The following ANKRD24 variants were observed in gnomAD, a reference collection of about 807,000 sequenced individuals.
ANKRD24 encodes ankyrin repeat domain 24, also known as ankyrin repeat domain-containing protein 24.
In ANKRD24, 109 loss-of-function variants were observed where a neutral mutation model predicts 127.8. The observed-to-expected ratio is 0.85, with a 90% confidence interval of 0.73 to 1.00. ANKRD24 has a LOEUF of 1.00. Ranked by LOEUF, ANKRD24 falls within the 50% of genes least tolerant of loss-of-function variation. The probability of loss-of-function intolerance (pLI) is 0.00; values close to 1 mark genes in which losing one functional copy is unlikely to be tolerated. For missense variants in ANKRD24, 1,648 were observed against 1,570.2 expected (o/e 1.05, Z -0.84); for synonymous variants, 743 against 671.1 (o/e 1.11, Z -1.66).
In ANKRD24 at chr19:4,218,081, T is replaced by G. The variant is rs1204710453; in HGVS notation, c.2921T>G (p.Leu974Arg). Residue 974 changes from leucine to arginine, a missense_variant, in exon 18 of 22, where the codon CTG (leucine) becomes CGG (arginine). By Grantham distance (102) the Leu-to-Arg change is moderately radical (BLOSUM62 -2). Coordinates refer to ENST00000318934, the MANE Select transcript of ANKRD24 (RefSeq NM_001393985.1). ...LSEHERIVGT[L>R]QANVAQLEGQ... is the part of the protein sequence containing the mutation. ...GAGCACGAACGCATCGTGGGCACCC[T>G]GCAGGCCAACGTGGCCCAGCTGGAG... is the stretch of plus-strand genomic sequence containing the variant. The G allele has an allele frequency of 6.4e-7, 1 of 1,551,654 alleles. No homozygotes were observed. Among genetic ancestry groups the G allele is most frequent in the South Asian group, 1.2e-5 (1 of 83,428 alleles).
intron 2 of ANKRD24, among the ~76,000 whole-genome samples, chr19:4,188,667 ACTGCGCC>A (rs1288192865): frequency 1.4e-4 from 21 of 152,128 alleles, no homozygotes; most frequent in Non-Finnish European, 4.4e-5. Flanking sequence ...GGCGTGAGCC[ACTGCGCC>A]CAGCCAAGCC....
intron 6 of ANKRD24, 34 bp downstream of exon 6, chr19:4,202,124 GC>G: frequency 6.3e-7 from 1 of 1,593,704 alleles, no homozygotes; most frequent in Non-Finnish European, 8.6e-7. Flanking sequence ...TACTCCCTTG[GC>G]CCCTACTACT....
chr19:4,193,845 G>GAGGGAGGGAGGGAGGGAAGGAAGGAAGGA lies in ANKRD24; in HGVS notation c.37-5835_37-5834insGAGGGAGGGAGGGAAGGAAGGAAGGAAGG, dbSNP rs573649233. Among the ~76,000 whole-genome samples, 381 of 40,542 alleles carry GAGGGAGGGAGGGAGGGAAGGAAGGAAGGA rather than the reference G, an allele frequency of 9.4e-3. 54 individuals are homozygous for GAGGGAGGGAGGGAGGGAAGGAAGGAAGGA. The highest frequency in any genetic ancestry group is 0.015 in the African/African-American group (116 of 7,772). The allele number at this position is 40,542 out of a possible 152,430, so 26.6% of individuals were successfully genotyped here. Reference sequence around the variant, plus strand: ...GAGCGAGACTCCGTCGGGAGGGAGGGAGGAAGGAAGGAAGGAAGGAAGGAA... The same window carrying GAGGGAGGGAGGGAGGGAAGGAAGGAAGGA: ...GAGCGAGACTCCGTCGGGAGGGAGGGAGGGAGGGAGGGAGGGAAGGAAGGAAGGAAGGAAGGAAGGAAGGAAGGAAGGAA... On this transcript the variant is annotated intron_variant, in intron 2 of 21. Transcript: ENST00000318934.
intron 7 of ANKRD24, among the ~76,000 whole-genome samples, chr19:4,206,266 A>T (rs1357327753): frequency 1.3e-5 from 2 of 151,712 alleles, no homozygotes; most frequent in African/African-American, 2.4e-5. Flanking sequence ...AGCCAGAGGC[A>T]GGAGGATTGC....
chr19:4,207,363 C>T (rs1969450474), intron 8 of ANKRD24, 51 bp downstream of exon 8: 1 of 1,594,864 alleles, frequency 6.3e-7, no homozygotes, highest in South Asian at 1.1e-5. Flanking sequence ...AGGTATGCTG[C>T]CACCAAGTGG....
At chr19:4,207,743 G>A (rs766449144) in intron 9 of ANKRD24, 38 bp from the exon 10 acceptor site, 6 of 1,569,182 alleles carry the variant, frequency 3.8e-6, no homozygotes, top group African/African-American at 1.4e-5. Context: ...GGGCTTGGGG[G>A]ATGTTCTCAT....
At chr19:4,212,430 G>A in intron 13 of ANKRD24, 45 bp from the exon 14 acceptor site, 1 of 1,560,542 alleles carries the variant, frequency 6.4e-7, no homozygotes, top group East Asian at 2.4e-5. Context: ...GGGCAGGGAG[G>A]CCTCTTGCCC....
intron 1 of ANKRD24, 183 bp from the exon 2 acceptor site, chr19:4,186,207 A>G: frequency 7.4e-7 from 1 of 1,349,778 alleles, no homozygotes. Flanking sequence ...TAAAACAGAG[A>G]GGGCAAGTAA....
rs45609439 is a variant in ANKRD24 at position 4,200,269 on chromosome 19, C to T, written c.343+98C>T. On this transcript the variant is annotated intron_variant, in intron 5 of 21. Transcript: ENST00000318934. The stretch of plus-strand genomic sequence containing the variant: ...CCTGCTCCCAGGTCTCAATGTTCCC[C>T]GCTGAAAAAAGGGGAGGCTCCCTCT... The T allele has an allele frequency of 0.013, 17,242 of 1,311,292 alleles. 666 individuals are homozygous for T. The African/African-American group carries it at 0.13, about 10-fold the overall frequency. 81.2% of individuals were successfully genotyped at this position (1,311,292 alleles called of 1,614,324 possible). A position where few individuals can be genotyped will look rare whatever the true frequency, so the allele number is the denominator to read the frequency against.
rs749935492 is a variant in ANKRD24 at position 4,217,007 on chromosome 19, C to A, written c.1847C>A (p.Ala616Glu). 1 of 1,613,664 alleles carries A rather than the reference C, an allele frequency of 6.2e-7. No homozygotes were observed. The highest frequency in any genetic ancestry group is 1.7e-5 in the Admixed American group (1 of 59,966). Reference sequence around the variant, plus strand: ...GAAATGGAGACCACAGAAGAAGAAGCAAACATGGAAACTAAGCCCACAGGA... The same window carrying A: ...GAAATGGAGACCACAGAAGAAGAAGAAAACATGGAAACTAAGCCCACAGGA... ...VREMETTEEE[A>E]NMETKPTGAQ... The change falls in exon 18 of 22, where the codon GCA (alanine) becomes GAA (glutamate). Residue 616 changes from alanine to glutamate, a missense_variant. Ala to Glu is a moderately radical substitution (Grantham distance 107, BLOSUM62 -1). Coordinates refer to ENST00000318934, the MANE Select transcript of ANKRD24 (RefSeq NM_001393985.1).
chr19:4,215,034 C>T (rs139319442), intron 15 of ANKRD24, among the ~76,000 whole-genome samples: 1 of 152,310 alleles, frequency 6.6e-6, no homozygotes, highest in Non-Finnish European at 1.5e-5. Flanking sequence ...CACAGGTAAC[C>T]ACAGCCTGCC....
Position 4,218,134 on chromosome 19 carries a change from C to A in ANKRD24, c.2974C>A (p.His992Asn). Residue 992 changes from histidine (H) to asparagine (N), a missense_variant, in exon 18 of 22, where the codon CAT becomes AAT. Transcript: ENST00000318934. ...EGQLEELGRRHEKTSAEVFQV... is the reference protein window; with the variant it reads ...EGQLEELGRRNEKTSAEVFQV... ...GCAGCTGGAGGAGCTGGGACGGCGG[C>A]ATGAGAAGACCAGCGCAGAGGTCTT... is the stretch of plus-strand genomic sequence containing the variant. The A allele has an allele frequency of 6.5e-7, 1 of 1,534,260 alleles. No homozygotes were observed. The highest frequency in any genetic ancestry group is 2.0e-5 in the Admixed American group (1 of 49,492).
rs1057316691 is a variant in ANKRD24 at position 4,210,045 on chromosome 19, C to T, written c.871-13C>T. The T allele has an allele frequency of 2.5e-6, 4 of 1,597,022 alleles. No homozygotes were observed. Among genetic ancestry groups the T allele is most frequent in the African/African-American group, 2.7e-5 (2 of 74,690 alleles). On this transcript the variant is annotated splice_polypyrimidine_tract_variant and intron_variant, in intron 11 of 21. Transcript: ENST00000318934. ...GATCGGCCCCCTTCACTCTCTCTCCCCTCCCTTCCCAGAACTCTATGTCCA... is the reference window on the plus strand; with the variant it reads ...GATCGGCCCCCTTCACTCTCTCTCCTCTCCCTTCCCAGAACTCTATGTCCA...
intron 1 of ANKRD24, among the ~76,000 whole-genome samples, chr19:4,184,613 C>A (rs543381364): frequency 6.6e-6 from 1 of 152,220 alleles, no homozygotes; most frequent in Admixed American, 6.5e-5. Flanking sequence ...TCTCCCTCCC[C>A]CAAGCCCACG....
rs193126939 is a variant in ANKRD24, at chr19:4,212,959, C to T, written c.1197+261C>T. 2.1e-3 allele frequency among the ~76,000 whole-genome samples: 313 copies of T among 152,242 alleles called. 1 individual carries two copies. The highest frequency in any genetic ancestry group is 7.0e-3 in the African/African-American group (290 of 41,544). ...TGTCCTGGCCAACATGGTGAAACCC[C>T]GTCTCTACTACAAATACAAAAATTA... On this transcript the variant is annotated intron_variant, in intron 15 of 21. Coordinates refer to ENST00000318934, the MANE Select transcript of ANKRD24 (RefSeq NM_001393985.1).
intron 7 of ANKRD24, among the ~76,000 whole-genome samples, chr19:4,203,293 C>T (rs1168544445): frequency 1.3e-5 from 2 of 152,170 alleles, no homozygotes; most frequent in South Asian, 2.1e-4. Context: ...AGGTGATCCA[C>T]CCGCCTTGGC....
At position 4,199,838 on chromosome 19, in the gene ANKRD24, C is replaced by G; in HGVS notation, c.124-37C>G. ...GGGGGCGTGGGGAGGGGACAGCAGC[C>G]AACACTGCCCCACGCACTTCTGGGC... On this transcript the variant is annotated intron_variant, in intron 3 of 21. Coordinates refer to ENST00000318934, the MANE Select transcript of ANKRD24 (RefSeq NM_001393985.1). This position sits in a 1 kb window ranked among gnomAD's most constrained non-coding sequence, Gnocchi z 5.2. 5 of 1,543,666 alleles carry G rather than the reference C, an allele frequency of 3.2e-6. No individual in the cohort carries two copies. The highest frequency in any genetic ancestry group is 4.4e-6 in the Non-Finnish European group (5 of 1,142,010).
chr19:4,220,772 GTCTCAA>G (rs1426946885), intron 19 of ANKRD24, among the ~76,000 whole-genome samples: 2 of 151,946 alleles, frequency 1.3e-5, no homozygotes, highest in Non-Finnish European at 2.9e-5. Context: ...AGCTGGGATG[GTCTCAA>G]TCTCCTGACC....
chr19:4,210,521 C>G (rs892541313), intron 13 of ANKRD24, 149 bp downstream of exon 13: 7 of 718,528 alleles, frequency 9.7e-6, no homozygotes, highest in East Asian at 8.3e-5. Context: ...CGCTGTTCCT[C>G]CAACTCGCCA....
Sources: allele counts gnomAD v4.1 joint callset (sites outside exome capture counted in the v4.1 genomes callset), GRCh38; gene constraint gnomAD v4.1.1; non-coding constraint Gnocchi (gnomAD v3.1); transcripts MANE v1.5; gene names NCBI Gene and HGNC (gene_info 2026-07-23, HGNC 2026-07-21).